Variants in MYH11 observed in about 807,000 individuals in gnomAD.
MYH11 encodes the protein myosin-11.
A neutral mutation model predicts 246.6 loss-of-function variants in MYH11; 80 were observed. The ratio of observed to expected loss-of-function variants is 0.32; its 90% CI spans 0.27 to 0.39. The LOEUF (loss-of-function observed/expected upper bound fraction) is 0.39, where lower values mean the gene tolerates loss of function less well. Ranked by LOEUF, MYH11 falls within the 10% of genes least tolerant of loss-of-function variation. The pLI is 1.00. For synonymous variants in MYH11, 1,071 were observed against 1,015.5 expected (o/e 1.05, Z -1.04); for missense variants, 2,158 against 2,546.8 (o/e 0.85, Z 3.29).
intron 20 of MYH11, among the ~76,000 whole-genome samples, chr16:15,742,983 C>T (rs1431176999): frequency 6.9e-6 from 1 of 144,106 alleles, no homozygotes; most frequent in African/African-American, 2.6e-5. Flanking sequence ...TCCAACTAGA[C>T]AGCTAGGTAG....
intron 40 of MYH11, among the ~76,000 whole-genome samples, chr16:15,708,318 C>T (rs908948152): frequency 2.0e-5 from 3 of 152,190 alleles, no homozygotes; most frequent in African/African-American, 7.2e-5. Context: ...ACTTTGTGAT[C>T]TCTGACTTGT....
intron 3 of MYH11, among the ~76,000 whole-genome samples, chr16:15,799,030 T>A (rs971500284): frequency 5.9e-5 from 9 of 152,196 alleles, no homozygotes; most frequent in Non-Finnish European, 1.3e-4. Flanking sequence ...TCTATACAGA[T>A]TGGGGTCCCC....
At chr16:15,812,032 C>A (rs2043149207) in intron 3 of MYH11, among the ~76,000 whole-genome samples, 1 of 152,150 alleles carries the variant, frequency 6.6e-6, no homozygotes, top group Non-Finnish European at 1.5e-5. Context: ...TCATCACGTT[C>A]ATTTATTGAA....
intron 40 of MYH11, among the ~76,000 whole-genome samples, chr16:15,705,305 C>T (rs1437753171): frequency 2.0e-5 from 3 of 152,116 alleles, no homozygotes; most frequent in Admixed American, 6.6e-5. Flanking sequence ...TTAGCTCCAG[C>T]CAGTAGGACA....
chr16:15,742,200 G>T, intron 20 of MYH11: 1 of 477,580 alleles, frequency 2.1e-6, no homozygotes, highest in Non-Finnish European at 3.9e-6. Flanking sequence ...ACCAGAAAAG[G>T]TACAAAGTGA....
chr16:15,731,615 C>T (rs1239747638), intron 27 of MYH11, among the ~76,000 whole-genome samples: 1 of 151,976 alleles, frequency 6.6e-6, no homozygotes, highest in Non-Finnish European at 1.5e-5. Context: ...CCTCAGCCTC[C>T]CGAGTAGCTA....
chr16:15,840,101 T>A (rs893954258), intron 1 of MYH11, among the ~76,000 whole-genome samples: 2 of 151,778 alleles, frequency 1.3e-5, no homozygotes, highest in Non-Finnish European at 2.9e-5. Context: ...AATGGATTAG[T>A]AAGAGGCACA....
intron 1 of MYH11, among the ~76,000 whole-genome samples, chr16:15,850,987 T>A (rs555250375): frequency 6.6e-6 from 1 of 152,186 alleles, no homozygotes; most frequent in African/African-American, 2.4e-5. Flanking sequence ...CCAAGAACTA[T>A]GGGAGGCCAA....
chr16:15,707,764 G>A (rs1387803651), intron 40 of MYH11, among the ~76,000 whole-genome samples: 1 of 152,144 alleles, frequency 6.6e-6, no homozygotes, highest in Non-Finnish European at 1.5e-5. Flanking sequence ...CTGAAGTCAG[G>A]AGTTTGAGAC....
At chr16:15,710,698 TG>T (rs200632246) in intron 40 of MYH11, among the ~76,000 whole-genome samples, 12 of 150,704 alleles carry the variant, frequency 8.0e-5, no homozygotes, top group South Asian at 2.1e-4. Flanking sequence ...GTTTTTTTTT[TG>T]GAGACAGAGT....
Position 15,724,891 on chromosome 16 carries a change from G to A in MYH11, c.3960C>T (p.Thr1320=), listed in dbSNP as rs1447957315. The stretch of plus-strand genomic sequence containing the variant: ...GATGATGTGGCAGGACACTCACCTG[G>A]GTGTCCTGGAGCTGGGAACTGAGGG... ...VASLSSQLQD[T]QELLQEETRQ... is the part of the protein sequence containing the mutation. The change falls in exon 29 of 41, where the codon ACC becomes ACT. Residue 1320 remains threonine, a synonymous_variant. Coordinates refer to ENST00000300036, the MANE Select transcript of MYH11 (RefSeq NM_002474.3). 3.1e-6 allele frequency: 5 copies of A among 1,613,882 alleles called. No homozygotes were observed. The highest frequency in any genetic ancestry group is 3.4e-6 in the Non-Finnish European group (4 of 1,179,964).
At chr16:15,827,271 G>A (rs548537404) in intron 2 of MYH11, among the ~76,000 whole-genome samples, 11 of 152,248 alleles carry the variant, frequency 7.2e-5, no homozygotes, top group Non-Finnish European at 1.3e-4. Context: ...AGGAAGGGAA[G>A]GCCCTAACCC....
chr16:15,782,146 G>C (rs2042369815), intron 6 of MYH11, among the ~76,000 whole-genome samples: 1 of 152,136 alleles, frequency 6.6e-6, no homozygotes, highest in Non-Finnish European at 1.5e-5. Flanking sequence ...CTCCCAAAGT[G>C]CTGGGATTAC....
intron 15 of MYH11, among the ~76,000 whole-genome samples, chr16:15,752,078 C>G (rs1270313344): frequency 6.6e-6 from 1 of 151,992 alleles, no homozygotes; most frequent in Non-Finnish European, 1.5e-5. Flanking sequence ...AGGTGTGAGC[C>G]ACCATGCGCA....
chr16:15,766,919 G>C (rs1263576719), intron 9 of MYH11, among the ~76,000 whole-genome samples: 1 of 152,196 alleles, frequency 6.6e-6, no homozygotes, highest in Non-Finnish European at 1.5e-5. Flanking sequence ...CAGCATCCTG[G>C]TGTGCTGGTG....
At chr16:15,736,374 G>C (rs968129738) in intron 25 of MYH11, among the ~76,000 whole-genome samples, 3 of 152,062 alleles carry the variant, frequency 2.0e-5, no homozygotes, top group South Asian at 4.1e-4. Context: ...AACCTCCTGG[G>C]CTCAAGTGAT....
chr16:15,715,062 C>G lies in MYH11; in HGVS notation c.5633G>C (p.Arg1878Thr), dbSNP rs2040045274. 1.9e-6 allele frequency: 3 copies of G among 1,613,226 alleles called. No homozygotes were observed. The highest frequency in any genetic ancestry group is 2.5e-6 in the Non-Finnish European group (3 of 1,180,030). ...CAGCTGCCTCTTGAGCTGCTTGACCCTGGCATTGCCTTTCTCTGCCTGTCG... is the reference window on the plus strand; with the variant it reads ...CAGCTGCCTCTTGAGCTGCTTGACCGTGGCATTGCCTTTCTCTGCCTGTCG... ...YKEQAEKGNA[R>T]VKQLKRQLEE... Residue 1878 changes from arginine (R) to threonine (T), a missense_variant, in exon 40 of 41, where the codon AGG becomes ACG. Physicochemically the swap from Arg to Thr is moderately conservative, Grantham distance 71. Coordinates refer to ENST00000300036, the MANE Select transcript of MYH11 (RefSeq NM_002474.3).
rs2042375648 is a variant in MYH11 at position 15,782,379 on chromosome 16, A to G, written c.726+6T>C. ...TCTGGAAAATCCATGTGGCTTTGCT[A>G]CTTACGAATCGTGAGGAGTTGTCGT... On this transcript the variant is annotated splice_donor_region_variant and intron_variant, in intron 6 of 40. Coordinates refer to ENST00000300036, the MANE Select transcript of MYH11 (RefSeq NM_002474.3). The G allele has an allele frequency of 1.2e-6, 2 of 1,613,172 alleles. No individual in the cohort carries two copies. The highest frequency in any genetic ancestry group is 1.7e-6 in the Non-Finnish European group (2 of 1,179,180).
At chr16:15,783,033 C>T (rs988272097) in intron 5 of MYH11, 21 of 158,830 alleles carry the variant, frequency 1.3e-4, no homozygotes, top group Middle Eastern at 3.4e-3. Context: ...CAGGAATCCT[C>T]TTAGCGGACT....
Sources: gnomAD v4.1 joint callset for allele counts (sites outside exome capture counted in the v4.1 genomes callset) on GRCh38, gnomAD v4.1.1 for gene constraint, MANE v1.5 for transcripts, NCBI Gene and HGNC (gene_info 2026-07-23, HGNC 2026-07-21) for gene names.